The following ARHGAP35 variants were observed in gnomAD, a reference collection of about 807,000 sequenced individuals.
The protein encoded by ARHGAP35 is Rho GTPase activating protein 35.
Under a neutral mutation model 111.1 loss-of-function variants are expected in ARHGAP35, and 15 were observed. That is an observed-to-expected ratio of 0.13 (90% confidence interval 0.09 to 0.21). The LOEUF (loss-of-function observed/expected upper bound fraction) is 0.21. Ranked by LOEUF, ARHGAP35 falls within the 10% of genes least tolerant of loss-of-function variation. ARHGAP35 has a pLI of 1.00. For missense variants in ARHGAP35, 1,262 were observed against 1,873.0 expected (o/e 0.67, Z 6.02); for synonymous variants, 643 against 710.3 (o/e 0.91, Z 1.51).
rs2056766501 is a variant in ARHGAP35 at position 47,004,693 on chromosome 19, A to G, written c.*4005A>G. On this transcript the variant is annotated 3_prime_UTR_variant, in exon 7 of 7. Transcript: ENST00000672722. The stretch of plus-strand genomic sequence containing the variant: ...CATATTAATGGTATTGAAATGTGTT[A>G]GTAGTCTGGCTGTGTGCCCAAAATT... 1.3e-5 allele frequency: 2 copies of G among 152,696 alleles called. No individual in the cohort carries two copies. The highest frequency in any genetic ancestry group is 2.9e-5 in the Non-Finnish European group (2 of 68,056). The allele number at this position is 152,696 out of a possible 1,614,324, so 9.5% of individuals were successfully genotyped here.
intron 2 of ARHGAP35, among the ~76,000 whole-genome samples, chr19:46,931,464 C>A (rs960325927): frequency 6.6e-6 from 1 of 152,158 alleles, no homozygotes; most frequent in Non-Finnish European, 1.5e-5. Flanking sequence ...TCCTACTCTG[C>A]CACAGTCGGG....
chr19:46,861,813 C>T (rs1310387505), intron 1 of ARHGAP35, among the ~76,000 whole-genome samples: 1 of 152,104 alleles, frequency 6.6e-6, no homozygotes, highest in Non-Finnish European at 1.5e-5. Flanking sequence ...TTAGGACCTG[C>T]GGTTCCAACC....
Position 47,000,946 on chromosome 19 carries a change from C to T in ARHGAP35, c.*258C>T. Reference sequence around the variant, plus strand: ...CTAGGCAGGCAATGGCTCCAGTGCCCTCCCTCTGTTCCCTGGACCACCACC... The same window carrying T: ...CTAGGCAGGCAATGGCTCCAGTGCCTTCCCTCTGTTCCCTGGACCACCACC... On this transcript the variant is annotated 3_prime_UTR_variant, in exon 7 of 7. Transcript: ENST00000672722. This position sits in a 1 kb window ranked among gnomAD's most constrained non-coding sequence, Gnocchi z 6.9. 6.6e-7 allele frequency: 1 copy of T among 1,522,692 alleles called. No homozygotes were observed. The highest frequency in any genetic ancestry group is 8.8e-7 in the Non-Finnish European group (1 of 1,138,522). 94.3% of individuals were successfully genotyped at this position (1,522,692 alleles called of 1,614,324 possible). A position where few individuals can be genotyped will look rare whatever the true frequency, so the allele number is the denominator to read the frequency against.
At position 46,920,110 on chromosome 19, in the gene ARHGAP35, A is replaced by G. The variant is rs775842542; in HGVS notation, c.1435A>G (p.Lys479Glu). 6.2e-7 allele frequency: 1 copy of G among 1,613,856 alleles called. No homozygotes were observed. Among genetic ancestry groups the G allele is most frequent in the African/African-American group, 1.3e-5 (1 of 74,916 alleles). Residue 479 changes from lysine (K) to glutamate (E), a missense_variant, in exon 2 of 7, where the codon AAA becomes GAA. Lys to Glu is a moderately conservative substitution (Grantham distance 56). Transcript: ENST00000672722. This position sits in a 1 kb window ranked among gnomAD's most constrained non-coding sequence, Gnocchi z 7.0. ...EESVYMDIYG[K>E]HQKQIIDKAK... Reference sequence around the variant, plus strand: ...ATCTGTATACATGGATATTTATGGCAAACACCAAAAGCAAATTATAGATAA... The same window carrying G: ...ATCTGTATACATGGATATTTATGGCGAACACCAAAAGCAAATTATAGATAA...
At position 47,001,857 on chromosome 19, in the gene ARHGAP35, G is replaced by A. The variant is rs1283671686; in HGVS notation, c.*1169G>A. 4 of 178,300 alleles carry A rather than the reference G, an allele frequency of 2.2e-5. No homozygotes were observed. The highest frequency in any genetic ancestry group is 2.5e-4 in the South Asian group (2 of 7,846). 11.0% of individuals were successfully genotyped at this position (178,300 alleles called of 1,614,324 possible). A position where few individuals can be genotyped will look rare whatever the true frequency, so the allele number is the denominator to read the frequency against. On this transcript the variant is annotated 3_prime_UTR_variant, in exon 7 of 7. Coordinates refer to ENST00000672722, the MANE Select transcript of ARHGAP35 (RefSeq NM_004491.5). The surrounding 1 kb of genome is among the most constrained non-coding windows in gnomAD (Gnocchi z 5.4). ...GTGTGTTGGGTGTTGAAGTGGAATCGTTTCATCCCAGCCATGGAGGCCACC... is the reference window on the plus strand; with the variant it reads ...GTGTGTTGGGTGTTGAAGTGGAATCATTTCATCCCAGCCATGGAGGCCACC...
chr19:46,959,942 ATTT>A (rs1172558139), intron 3 of ARHGAP35, among the ~76,000 whole-genome samples: 1 of 145,166 alleles, frequency 6.9e-6, no homozygotes. Context: ...TACAAAAAAA[ATTT>A]TTTTTTTTTT....
intron 3 of ARHGAP35, among the ~76,000 whole-genome samples, chr19:46,959,532 T>C (rs1376318826): frequency 1.3e-5 from 2 of 151,924 alleles, no homozygotes; most frequent in Non-Finnish European, 2.9e-5. Flanking sequence ...CCCAAGTAGC[T>C]GGGATTACAG....
chr19:46,922,382 A>G lies in ARHGAP35; in HGVS notation c.3681+26A>G. The G allele has an allele frequency of 6.5e-7, 1 of 1,536,206 alleles. No individual in the cohort carries two copies. Among genetic ancestry groups the G allele is most frequent in the South Asian group, 1.3e-5 (1 of 78,162 alleles). The stretch of plus-strand genomic sequence containing the variant: ...GTAAGACACCAGTCTAGGATTAGTC[A>G]TAGTGTTTTGTACAGCGTCTCGGTG... On this transcript the variant is annotated intron_variant, in intron 2 of 6. Coordinates refer to ENST00000672722, the MANE Select transcript of ARHGAP35 (RefSeq NM_004491.5). This position sits in a 1 kb window ranked among gnomAD's most constrained non-coding sequence, Gnocchi z 4.0.
intron 2 of ARHGAP35, among the ~76,000 whole-genome samples, chr19:46,927,723 T>C (rs999657362): frequency 2.0e-5 from 3 of 152,292 alleles, no homozygotes; most frequent in Non-Finnish European, 2.9e-5. Flanking sequence ...AATGAGGTGA[T>C]GTTTTTCATC....
At chr19:46,903,750 A>G (rs1295447319) in intron 1 of ARHGAP35, among the ~76,000 whole-genome samples, 3 of 152,230 alleles carry the variant, frequency 2.0e-5, no homozygotes, top group African/African-American at 7.2e-5. Context: ...GGAAGAACAA[A>G]CTACTATTTT....
intron 1 of ARHGAP35, among the ~76,000 whole-genome samples, chr19:46,875,276 C>T (rs867136243): frequency 6.6e-6 from 1 of 152,068 alleles, no homozygotes; most frequent in Non-Finnish European, 1.5e-5. Context: ...AGGAGGTTGG[C>T]GTTCAGACAT....
intron 1 of ARHGAP35, among the ~76,000 whole-genome samples, chr19:46,895,165 C>CT (rs942875389): frequency 0.014 from 1,882 of 136,534 alleles, 33 homozygotes; most frequent in African/African-American, 0.038. Context: ...AGGGCAAAAT[C>CT]TTTTTTTTTT....
intron 3 of ARHGAP35, among the ~76,000 whole-genome samples, chr19:46,978,896 GGTGTGTGTGGTGGGGT>G (rs1389982586): frequency 2.5e-5 from 3 of 118,078 alleles, no homozygotes; most frequent in Non-Finnish European, 3.6e-5. Flanking sequence ...GTGGTGTGGG[GGTGTGTGTGGTGGGGT>G]GTGTGTGTGG....
chr19:46,893,974 G>GA (rs1358755810), intron 1 of ARHGAP35, among the ~76,000 whole-genome samples: 1 of 150,994 alleles, frequency 6.6e-6, no homozygotes, highest in Admixed American at 6.6e-5. Flanking sequence ...GCTTGTCAGG[G>GA]AAAAACCAAA....
intron 1 of ARHGAP35, among the ~76,000 whole-genome samples, chr19:46,881,733 T>G (rs1327899867): frequency 6.6e-6 from 1 of 152,226 alleles, no homozygotes; most frequent in African/African-American, 2.4e-5. Context: ...TGCATTTGTC[T>G]CTAACAAGGG....
chr19:46,932,264 G>A (rs1354414763), intron 2 of ARHGAP35, among the ~76,000 whole-genome samples: 2 of 152,142 alleles, frequency 1.3e-5, no homozygotes, highest in African/African-American at 2.4e-5. Flanking sequence ...CTTGGGTGAC[G>A]GAGTAAGACT....
intron 3 of ARHGAP35, among the ~76,000 whole-genome samples, chr19:46,952,543 A>G (rs1369729704): frequency 6.6e-6 from 1 of 152,250 alleles, no homozygotes; most frequent in Non-Finnish European, 1.5e-5. Context: ...AACGAAACAA[A>G]CAAAAATCCC....
At chr19:46,865,837 A>T (rs2055852838) in intron 1 of ARHGAP35, among the ~76,000 whole-genome samples, 1 of 152,124 alleles carries the variant, frequency 6.6e-6, no homozygotes, top group Non-Finnish European at 1.5e-5. Context: ...CTTGATTTAC[A>T]CAGTAATCGT....
intron 1 of ARHGAP35, among the ~76,000 whole-genome samples, chr19:46,890,573 G>C (rs1178092444): frequency 6.6e-6 from 1 of 152,206 alleles, no homozygotes; most frequent in African/African-American, 2.4e-5. Context: ...ATACAGGGTA[G>C]AACAGGAACA....
Sources: gnomAD v4.1 joint callset for allele counts (sites outside exome capture counted in the v4.1 genomes callset) on GRCh38, gnomAD v4.1.1 for gene constraint, Gnocchi (gnomAD v3.1) non-coding constraint, MANE v1.5 for transcripts, NCBI Gene and HGNC (gene_info 2026-07-23, HGNC 2026-07-21) for gene names.